Variants in SLC22A2 observed in about 807,000 individuals in gnomAD.
SLC22A2 encodes solute carrier family 22 member 2, also known as organic cation transporter 2.
A neutral mutation model predicts 60.5 loss-of-function variants in SLC22A2; 46 were observed. The observed-to-expected ratio is 0.76, with a 90% CI of 0.60 to 0.97. The LOEUF is 0.97. SLC22A2 is among the 50% of genes least tolerant of loss of function. The pLI, the probability that SLC22A2 is intolerant of heterozygous loss-of-function variation, is 0.00. For missense variants in SLC22A2, 701 were observed against 706.6 expected, an observed-to-expected ratio of 0.99 and a Z score of 0.09; for synonymous variants, 303 against 267.0, an observed-to-expected ratio of 1.13 and a Z score of -1.31.
At chr6:160,254,458 C>T (rs1783236631) in intron 2 of SLC22A2, among the ~76,000 whole-genome samples, 1 of 151,804 alleles carries the variant, frequency 6.6e-6, no homozygotes, top group Admixed American at 6.6e-5. Context: ...TTCATAATGC[C>T]TTACTGTTTT....
chr6:160,250,202 T>G (rs1473741319), intron 3 of SLC22A2, among the ~76,000 whole-genome samples: 1 of 152,224 alleles, frequency 6.6e-6, no homozygotes, highest in Non-Finnish European at 1.5e-5. Flanking sequence ...TTTATAAATC[T>G]ACTATATCTC....
intron 10 of SLC22A2, among the ~76,000 whole-genome samples, chr6:160,220,902 A>T (rs1225483142): frequency 1.3e-5 from 2 of 152,210 alleles, no homozygotes; most frequent in African/African-American, 4.8e-5. Flanking sequence ...CCATGAGCAC[A>T]AGCAGAGTAG....
intron 4 of SLC22A2, among the ~76,000 whole-genome samples, chr6:160,247,937 A>G (rs981845294): frequency 1.1e-4 from 17 of 152,254 alleles, no homozygotes; most frequent in African/African-American, 4.1e-4. Context: ...TGTGGCAGTT[A>G]TGGTGTAAAT....
rs574960959 is a variant in SLC22A2, at chr6:160,220,667, G to C, written c.1602-3169C>G. On this transcript the variant is annotated intron_variant, in intron 10 of 10. Transcript: ENST00000366953. The stretch of plus-strand genomic sequence containing the variant: ...TGTCAAAACTACTCCTTGATCCATG[G>C]GCTGCAGAATGGATGTTGTGTTAGC... 8.3e-4 allele frequency among the ~76,000 whole-genome samples: 126 copies of C among 152,166 alleles called. 1 individual carries two copies. Among genetic ancestry groups the C allele is most frequent in the African/African-American group, 2.9e-3 (121 of 41,504 alleles).
At chr6:160,218,373 G>A (rs1263478869) in intron 10 of SLC22A2, 1 of 193,584 alleles carries the variant, frequency 5.2e-6, no homozygotes, top group Non-Finnish European at 9.7e-6. Flanking sequence ...ACAAAAGCAA[G>A]AACAGCAGCA....
At chr6:160,249,475 A>ATAT in intron 3 of SLC22A2, 91 bp from the exon 4 acceptor site, 1 of 908,946 alleles carries the variant, frequency 1.1e-6, no homozygotes, top group Non-Finnish European at 1.8e-6. Flanking sequence ...AACCTCAAAA[A>ATAT]TATAGACAAA....
In SLC22A2 at chr6:160,233,837, C is replaced by A. The variant is rs750315391; in HGVS notation, c.1501+7637G>T. Reference sequence around the variant, plus strand: ...TGAGAAACATCACTCATCATCTCTCCATACCACCCCCCAAAATTTTCACCA... The same window carrying A: ...TGAGAAACATCACTCATCATCTCTCAATACCACCCCCCAAAATTTTCACCA... On this transcript the variant is annotated intron_variant, in intron 9 of 10. Transcript: ENST00000366953. Among the ~76,000 whole-genome samples, 84 of 151,706 alleles carry A rather than the reference C, an allele frequency of 5.5e-4. 1 individual carries two copies. Among genetic ancestry groups the A allele is most frequent in the Non-Finnish European group, 1.0e-3 (68 of 68,032 alleles).
intron 9 of SLC22A2, among the ~76,000 whole-genome samples, chr6:160,237,774 G>A (rs1782934226): frequency 1.3e-5 from 2 of 152,186 alleles, no homozygotes; most frequent in Non-Finnish European, 2.9e-5. Flanking sequence ...CTAAGTCACA[G>A]GATGAGATAG....
At chr6:160,234,921 C>T (rs1278041610) in intron 9 of SLC22A2, among the ~76,000 whole-genome samples, 1 of 152,220 alleles carries the variant, frequency 6.6e-6, no homozygotes, top group Non-Finnish European at 1.5e-5. Flanking sequence ...GGTTAATTCT[C>T]TTCCTCTCCA....
At chr6:160,232,310 T>C (rs1400807743) in intron 9 of SLC22A2, among the ~76,000 whole-genome samples, 1 of 151,882 alleles carries the variant, frequency 6.6e-6, no homozygotes, top group Admixed American at 6.5e-5. Context: ...TCAATGGCAG[T>C]TCCACCAGGC....
chr6:160,253,530 C>T (rs922335751), intron 2 of SLC22A2, among the ~76,000 whole-genome samples: 1 of 152,112 alleles, frequency 6.6e-6, no homozygotes, highest in Non-Finnish European at 1.5e-5. Flanking sequence ...AGCCCCGCCT[C>T]CAGAGTCAAG....
At chr6:160,245,183 G>A (rs985268070) in intron 6 of SLC22A2, 9 of 263,080 alleles carry the variant, frequency 3.4e-5, no homozygotes, top group African/African-American at 2.0e-4. Context: ...TTTTGGCTTT[G>A]GTATTTTGTA....
chr6:160,248,443 G>A (rs1783132029), intron 4 of SLC22A2, among the ~76,000 whole-genome samples: 1 of 152,198 alleles, frequency 6.6e-6, no homozygotes, highest in East Asian at 1.9e-4. Flanking sequence ...GAGTTTTATT[G>A]GCTTTTGGAT....
intron 9 of SLC22A2, among the ~76,000 whole-genome samples, chr6:160,237,667 T>C (rs1782932099): frequency 2.0e-5 from 3 of 152,194 alleles, no homozygotes. Context: ...TGGGGAAATC[T>C]CAGAGGTGTT....
intron 10 of SLC22A2, among the ~76,000 whole-genome samples, chr6:160,218,693 GCAGCAGCAGCAACAGCAA>G (rs1304508824): frequency 3.1e-4 from 11 of 35,152 alleles, no homozygotes; most frequent in African/African-American, 1.2e-3. Context: ...AACAGCATCA[GCAGCAGCAGCAACAGCAA>G]CAGCAGCAGC....
At chr6:160,244,815 T>C (rs2114865298) in intron 6 of SLC22A2, 1 of 152,336 alleles carries the variant, frequency 6.6e-6, no homozygotes, top group African/African-American at 2.4e-5. Flanking sequence ...CCTGAAAAGA[T>C]GCATTCCCCA....
At position 160,226,005 on chromosome 6, in the gene SLC22A2, ATT is replaced by A. The variant is rs372099426; in HGVS notation, c.1502-1203_1502-1202del. Among the ~76,000 whole-genome samples the A allele has an allele frequency of 1.6e-4, 24 of 152,334 alleles. No homozygotes were observed. In the East Asian group the frequency reaches 3.7e-3, roughly 23 times the overall value. ...ACTAGGTTGCCTTTGTAGGACTAAC[ATT>A]AGCCACAACATAAGAAATTATGGTT... On this transcript the variant is annotated intron_variant, in intron 9 of 10. Coordinates refer to ENST00000366953, the MANE Select transcript of SLC22A2 (RefSeq NM_003058.4).
chr6:160,247,979 G>A lies in SLC22A2; in HGVS notation c.843-681C>T, dbSNP rs1376992950. Among the ~76,000 whole-genome samples the A allele has an allele frequency of 2.0e-5, 3 of 152,184 alleles. No individual in the cohort carries two copies. In the East Asian group the frequency reaches 5.8e-4, roughly 29 times the overall value. On this transcript the variant is annotated intron_variant, in intron 4 of 10. Coordinates refer to ENST00000366953, the MANE Select transcript of SLC22A2 (RefSeq NM_003058.4). The stretch of plus-strand genomic sequence containing the variant: ...AGGCCCCAGTTGGGATCATCACTCT[G>A]GGAGCGAAGTTGCTCTGAGAGGCAG...
At chr6:160,244,059 A>C (rs991729893) in intron 6 of SLC22A2, 11 of 377,404 alleles carry the variant, frequency 2.9e-5, no homozygotes, top group African/African-American at 1.4e-4. Context: ...TTGAAAGCCA[A>C]GAAGAATGTC....
Sources: allele counts gnomAD v4.1 joint callset (sites outside exome capture counted in the v4.1 genomes callset), GRCh38; gene constraint gnomAD v4.1.1; transcripts MANE v1.5; gene names NCBI Gene and HGNC (gene_info 2026-07-23, HGNC 2026-07-21).